The following IRAK2 variants were observed in gnomAD, a reference collection of about 807,000 sequenced individuals.
IRAK2 encodes the protein interleukin 1 receptor associated kinase 2, also known as interleukin-1 receptor-associated kinase-like 2.
Under a neutral mutation model 72.0 loss-of-function variants are expected in IRAK2, and 57 were observed. The observed-to-expected ratio is 0.79, with a 90% CI of 0.64 to 0.99. The LOEUF (loss-of-function observed/expected upper bound fraction) is 0.99. Among genes scored for constraint, IRAK2 ranks in the 50% least tolerant of loss-of-function variants. The pLI, the probability that IRAK2 is intolerant of heterozygous loss-of-function variation, is 0.00. For synonymous variants in IRAK2, 293 were observed against 312.7 expected, an observed-to-expected ratio of 0.94 and a Z score of 0.67; for missense variants, 790 against 794.4, an observed-to-expected ratio of 0.99 and a Z score of 0.07.
intron 12 of IRAK2, among the ~76,000 whole-genome samples, chr3:10,241,566 G>GATAATAAATGA (rs1698061128): frequency 7.6e-6 from 1 of 131,740 alleles, no homozygotes; most frequent in African/African-American, 2.9e-5. Flanking sequence ...CTCAACAAAT[G>GATAATAAATGA]ATAAATAAAT....
chr3:10,219,367 G>A, intron 7 of IRAK2, among the ~76,000 whole-genome samples: 1 of 151,492 alleles, frequency 6.6e-6, no homozygotes, highest in East Asian at 1.9e-4. Flanking sequence ...CACCCAGGCT[G>A]CAGTGCAGTG....
intron 7 of IRAK2, among the ~76,000 whole-genome samples, chr3:10,218,340 C>G (rs1232356304): frequency 1.3e-5 from 2 of 149,330 alleles, no homozygotes; most frequent in East Asian, 2.1e-4. Flanking sequence ...AGGAGAATCA[C>G]TTGAACCCGG....
rs535456321 is a variant in IRAK2, at chr3:10,239,929, C to T, written c.1765+890C>T. On this transcript the variant is annotated intron_variant, in intron 12 of 12. Transcript: ENST00000256458. ...CCAGAGGCTGGGGTGGGCAGATCACCTGAGGTCAGGAGTTCAAGACCAGCT... is the reference window on the plus strand; with the variant it reads ...CCAGAGGCTGGGGTGGGCAGATCACTTGAGGTCAGGAGTTCAAGACCAGCT... Among the ~76,000 whole-genome samples the T allele has an allele frequency of 5.3e-5, 8 of 149,908 alleles. No homozygotes were observed. In the East Asian group the frequency reaches 1.4e-3, roughly 26 times the overall value.
chr3:10,165,308 G>A (rs558591209), intron 1 of IRAK2, among the ~76,000 whole-genome samples: 1 of 152,220 alleles, frequency 6.6e-6, no homozygotes, highest in South Asian at 2.1e-4. Context: ...TGGGTACGGG[G>A]GCCCTCCTGT....
chr3:10,239,168 T>G (rs1698014009), intron 12 of IRAK2, 129 bp downstream of exon 12: 2 of 861,132 alleles, frequency 2.3e-6, no homozygotes, highest in South Asian at 1.8e-5. Context: ...AACCAGCCAG[T>G]TTTTCACAGA....
At chr3:10,169,575 C>T (rs886251291) in intron 1 of IRAK2, among the ~76,000 whole-genome samples, 3 of 152,166 alleles carry the variant, frequency 2.0e-5, no homozygotes, top group Non-Finnish European at 4.4e-5. Context: ...CTATTCTGCC[C>T]GACCCCACAG....
chr3:10,172,203 T>C (rs1696804513), intron 1 of IRAK2, among the ~76,000 whole-genome samples: 1 of 150,698 alleles, frequency 6.6e-6, no homozygotes. Context: ...ACCCCGTTTC[T>C]ACTAAAAAAA....
Position 10,184,977 on chromosome 3 carries a change from C to A in IRAK2, c.277+6957C>A, listed in dbSNP as rs557314609. Among the ~76,000 whole-genome samples, 3 of 150,794 alleles carry A rather than the reference C, an allele frequency of 2.0e-5. No homozygotes were observed. In the East Asian group the frequency reaches 6.0e-4, roughly 30 times the overall value. On this transcript the variant is annotated intron_variant, in intron 2 of 12. Transcript: ENST00000256458. ...TGATCTCCTGACCTCGTGATCCGCC[C>A]GCCTTGGCCTCCCAAAGTGCTGGGA...
chr3:10,174,606 C>G (rs923917749), intron 1 of IRAK2, among the ~76,000 whole-genome samples: 2 of 152,056 alleles, frequency 1.3e-5, no homozygotes, highest in African/African-American at 4.8e-5. Flanking sequence ...CTCACTGCAA[C>G]CTCTGCCTCC....
At chr3:10,195,482 T>A (rs1316572279) in intron 2 of IRAK2, among the ~76,000 whole-genome samples, 1 of 150,860 alleles carries the variant, frequency 6.6e-6, no homozygotes, top group African/African-American at 2.4e-5. Flanking sequence ...AGCTCAGGAG[T>A]TTGAGGCTGC....
chr3:10,168,854 T>G (rs1476998922), intron 1 of IRAK2, among the ~76,000 whole-genome samples: 1 of 152,282 alleles, frequency 6.6e-6, no homozygotes, highest in African/African-American at 2.4e-5. Flanking sequence ...GCCTGGGACG[T>G]TCTTCCCCCT....
chr3:10,200,222 A>G, intron 2 of IRAK2, 147 bp from the exon 3 acceptor site: 1 of 666,480 alleles, frequency 1.5e-6, no homozygotes, highest in Non-Finnish European at 2.5e-6. Context: ...CCGGGGCCAG[A>G]AAGGGAAAGA....
At chr3:10,190,601 T>C (rs1697160388) in intron 2 of IRAK2, among the ~76,000 whole-genome samples, 3 of 152,168 alleles carry the variant, frequency 2.0e-5, no homozygotes, top group African/African-American at 7.2e-5. Flanking sequence ...GGAATGCCTC[T>C]AAGCCAGTCC....
intron 1 of IRAK2, among the ~76,000 whole-genome samples, chr3:10,173,242 G>A (rs1696824321): frequency 6.6e-6 from 1 of 152,016 alleles, no homozygotes. Flanking sequence ...CCCAGGCCCC[G>A]AATCCCAATA....
chr3:10,227,912 G>A (rs966061361), intron 10 of IRAK2, among the ~76,000 whole-genome samples: 3 of 151,830 alleles, frequency 2.0e-5, no homozygotes, highest in Non-Finnish European at 4.4e-5. Context: ...CTCGTGATCC[G>A]CCCGCCTCGG....
intron 10 of IRAK2, among the ~76,000 whole-genome samples, chr3:10,229,823 G>A (rs528124334): frequency 5.9e-5 from 9 of 152,226 alleles, no homozygotes; most frequent in South Asian, 4.2e-4. Context: ...AAAAGAGGCC[G>A]GGCACAGTGG....
rs1719578 is a variant in IRAK2 at position 10,165,749 on chromosome 3, A to G, written c.94+701A>G. ...TTTTTTTTTTTTTTTTTTTTTTTTT[A>G]AGACGGAGTCTCACTCTGTCGCCCA... On this transcript the variant is annotated intron_variant, in intron 1 of 12. Transcript: ENST00000256458. 2.1e-4 allele frequency among the ~76,000 whole-genome samples: 15 copies of G among 70,154 alleles called. No homozygotes were observed. The East Asian group carries it at 2.6e-3, about 12-fold the overall frequency. 46.0% of individuals were successfully genotyped at this position (70,154 alleles called of 152,430 possible).
At chr3:10,175,598 G>A (rs1371297772) in intron 1 of IRAK2, among the ~76,000 whole-genome samples, 1 of 151,700 alleles carries the variant, frequency 6.6e-6, no homozygotes, top group Non-Finnish European at 1.5e-5. Context: ...TTAAGAAAAG[G>A]TACAAAATCA....
chr3:10,243,743 C>T lies in IRAK2; in HGVS notation c.*1515C>T, dbSNP rs781540473. The T allele has an allele frequency of 6.6e-6, 1 of 151,992 alleles. No individual in the cohort carries two copies. Among genetic ancestry groups the T allele is most frequent in the Non-Finnish European group, 1.5e-5 (1 of 68,016 alleles). 9.4% of individuals were successfully genotyped at this position (151,992 alleles called of 1,614,324 possible). On this transcript the variant is annotated 3_prime_UTR_variant, in exon 13 of 13. Transcript: ENST00000256458. The stretch of plus-strand genomic sequence containing the variant: ...TATAATAAAAATATATTTGTAAAGT[C>T]GACAGACAACTTGTAATTAGTTTTG...
Sources: allele counts gnomAD v4.1 joint callset (sites outside exome capture counted in the v4.1 genomes callset), GRCh38; gene constraint gnomAD v4.1.1; transcripts MANE v1.5; gene names NCBI Gene and HGNC (gene_info 2026-07-23, HGNC 2026-07-21).